The following BARD1 variants were observed in gnomAD, a reference collection of about 807,000 sequenced individuals.
The protein encoded by BARD1 is BRCA1-associated RING domain protein 1.
Under a neutral mutation model 77.0 loss-of-function variants are expected in BARD1, and 73 were observed. The ratio of observed to expected loss-of-function variants is 0.95; its 90% CI spans 0.79 to 1.15. BARD1 has a LOEUF of 1.15. Among genes scored for constraint, BARD1 ranks in the 50% most tolerant of loss-of-function variants. The pLI, the probability that BARD1 is intolerant of heterozygous loss-of-function variation, is 0.00. For missense variants in BARD1, 993 were observed against 938.8 expected (o/e 1.06, Z -0.75); for synonymous variants, 384 against 338.0 (o/e 1.14, Z -1.49).
At chr2:214,740,824 T>C (rs1423940485) in intron 9 of BARD1, among the ~76,000 whole-genome samples, 2 of 152,086 alleles carry the variant, frequency 1.3e-5, no homozygotes, top group Admixed American at 6.5e-5. Context: ...GATGTTATTT[T>C]TTTTTATTCT....
intron 1 of BARD1, among the ~76,000 whole-genome samples, chr2:214,808,148 G>T (rs1696361411): frequency 6.6e-6 from 1 of 152,188 alleles, no homozygotes; most frequent in Admixed American, 6.5e-5. Context: ...CGTGGCTCAC[G>T]CCTGTAATCC....
chr2:214,733,573 A>G (rs1412679424), intron 9 of BARD1, among the ~76,000 whole-genome samples: 1 of 152,204 alleles, frequency 6.6e-6, no homozygotes, highest in African/African-American at 2.4e-5. Context: ...AAGAGAAGTC[A>G]TAATCTCTTC....
rs587782475 is a variant in BARD1 at position 214,780,820 on chromosome 2, C to A, written c.1054G>T (p.Val352Leu). The change falls in exon 4 of 11, where the codon GTG becomes TTG. Residue 352 changes from valine to leucine, a missense_variant. Transcript: ENST00000260947. ...STSGDFVKQTVPSENIPLPEC... is the reference protein window; with the variant it reads ...STSGDFVKQTLPSENIPLPEC... The stretch of plus-strand genomic sequence containing the variant: ...GGCAATGGTATATTTTCTGAGGGCA[C>A]CGTTTGCTTAACAAAATCTCCACTG... The A allele has an allele frequency of 1.9e-6, 3 of 1,614,066 alleles. No homozygotes were observed. The highest frequency in any genetic ancestry group is 2.7e-5 in the African/African-American group (2 of 75,036).
chr2:214,732,856 C>G (rs1355750998), intron 9 of BARD1, among the ~76,000 whole-genome samples: 1 of 152,102 alleles, frequency 6.6e-6, no homozygotes, highest in African/African-American at 2.4e-5. Flanking sequence ...GACACAATAA[C>G]AAAACTTCAA....
chr2:214,800,998 CAT>C (rs199562571), intron 1 of BARD1, among the ~76,000 whole-genome samples: 2,281 of 151,826 alleles, frequency 0.015, 62 homozygotes, highest in African/African-American at 0.052. Flanking sequence ...GCAATATAAA[CAT>C]ATTTGGAAAT....
chr2:214,765,170 G>C (rs1256313953), intron 6 of BARD1, among the ~76,000 whole-genome samples: 1 of 152,168 alleles, frequency 6.6e-6, no homozygotes, highest in African/African-American at 2.4e-5. Context: ...TGAATGTCCA[G>C]CATAGATATA....
intron 9 of BARD1, among the ~76,000 whole-genome samples, chr2:214,735,114 G>A (rs1692516512): frequency 6.6e-6 from 1 of 151,892 alleles, no homozygotes; most frequent in South Asian, 2.1e-4. Context: ...TTAAACTTAG[G>A]GCCAGCAGTA....
At chr2:214,795,816 AAG>A (rs1695729803) in intron 2 of BARD1, among the ~76,000 whole-genome samples, 1 of 152,154 alleles carries the variant, frequency 6.6e-6, no homozygotes, top group African/African-American at 2.4e-5. Flanking sequence ...GAGGATGATC[AAG>A]AGGTCAGCTC....
At chr2:214,744,749 G>GCCTCC (rs1693016122) in intron 9 of BARD1, among the ~76,000 whole-genome samples, 1 of 152,048 alleles carries the variant, frequency 6.6e-6, no homozygotes, top group African/African-American at 2.4e-5. Context: ...TCCTGCCTTA[G>GCCTCC]CCTCCCAAGT....
At chr2:214,750,962 AT>A (rs995561091) in intron 7 of BARD1, among the ~76,000 whole-genome samples, 15 of 151,350 alleles carry the variant, frequency 9.9e-5, no homozygotes, top group African/African-American at 3.6e-4. Flanking sequence ...AAAGTAATAA[AT>A]TGTCTTCAAG....
intron 9 of BARD1, among the ~76,000 whole-genome samples, chr2:214,741,572 T>C (rs77376249): frequency 0.035 from 5,396 of 152,228 alleles, 115 homozygotes; most frequent in Middle Eastern, 0.065. Flanking sequence ...TGTATGAGGG[T>C]GGTGCTAATG....
chr2:214,786,022 G>A (rs1695259390), intron 3 of BARD1, among the ~76,000 whole-genome samples: 1 of 151,884 alleles, frequency 6.6e-6, no homozygotes, highest in Non-Finnish European at 1.5e-5. Flanking sequence ...AAAGAACTCT[G>A]CATAAAACTT....
At chr2:214,789,834 T>A (rs1176390923) in intron 3 of BARD1, among the ~76,000 whole-genome samples, 1 of 152,118 alleles carries the variant, frequency 6.6e-6, no homozygotes, top group African/African-American at 2.4e-5. Flanking sequence ...CAGTTTAATA[T>A]AAGTAACGTT....
At chr2:214,799,250 G>A (rs1376621566) in intron 1 of BARD1, among the ~76,000 whole-genome samples, 3 of 152,008 alleles carry the variant, frequency 2.0e-5, no homozygotes, top group African/African-American at 7.3e-5. Context: ...GAGGTGAGCC[G>A]AGATTACACC....
chr2:214,792,890 A>C (rs77512218), intron 2 of BARD1, among the ~76,000 whole-genome samples: 1 of 152,248 alleles, frequency 6.6e-6, no homozygotes, highest in African/African-American at 2.4e-5. Flanking sequence ...TTGGGAAAAG[A>C]TCTTTGACTT....
intron 6 of BARD1, among the ~76,000 whole-genome samples, chr2:214,765,745 C>G (rs969945854): frequency 2.6e-5 from 4 of 152,000 alleles, no homozygotes; most frequent in African/African-American, 7.2e-5. Flanking sequence ...CAAACACGCA[C>G]GTGTGTACAC....
chr2:214,765,199 G>T lies in BARD1; in HGVS notation c.1568+2283C>A, dbSNP rs141584256. On this transcript the variant is annotated intron_variant, in intron 6 of 10. Transcript: ENST00000260947. Reference sequence around the variant, plus strand: ...AGATATAAACATTTCCACCACCACAGAAAGGTCTACTGGACAGTGCTGAGG... The same window carrying T: ...AGATATAAACATTTCCACCACCACATAAAGGTCTACTGGACAGTGCTGAGG... Among the ~76,000 whole-genome samples the T allele has an allele frequency of 5.3e-5, 8 of 152,270 alleles. No homozygotes were observed. The East Asian group carries it at 1.5e-3, about 29-fold the overall frequency.
At chr2:214,778,218 A>G (rs1446052143) in intron 4 of BARD1, among the ~76,000 whole-genome samples, 1 of 128,360 alleles carries the variant, frequency 7.8e-6, no homozygotes, top group Non-Finnish European at 1.6e-5. Context: ...CCACCCCCAA[A>G]AAAGAAAAAA....
rs1488385470 is a variant in BARD1 at position 214,809,674 on chromosome 2, T to C, written c.-105A>G. On this transcript the variant is annotated 5_prime_UTR_variant, in exon 1 of 11. Transcript: ENST00000260947. ...AGCGACTCGAAACCGGCCAAGCTCT[T>C]CCCGCGTCTGGGACGGCGGGCCGCC... The C allele has an allele frequency of 2.2e-5, 31 of 1,431,828 alleles. No homozygotes were observed. Among genetic ancestry groups the C allele is most frequent in the Admixed American group, 6.1e-5 (3 of 48,820 alleles). 88.7% of individuals were successfully genotyped at this position (1,431,828 alleles called of 1,614,324 possible). A position where few individuals can be genotyped will look rare whatever the true frequency, so the allele number is the denominator to read the frequency against.
Sources: gnomAD v4.1 joint callset for allele counts (sites outside exome capture counted in the v4.1 genomes callset) on GRCh38, gnomAD v4.1.1 for gene constraint, MANE v1.5 for transcripts, NCBI Gene and HGNC (gene_info 2026-07-23, HGNC 2026-07-21) for gene names.